The following SPPL2A variants were observed in gnomAD, a reference collection of about 807,000 sequenced individuals.
The protein encoded by SPPL2A is signal peptide peptidase-like 2A.
SPPL2A carries 51 observed loss-of-function variants against 63.8 expected under a neutral mutation model. That is an observed-to-expected ratio of 0.80 (90% CI 0.64 to 1.01). The LOEUF (loss-of-function observed/expected upper bound fraction) is 1.01, where lower values mean the gene tolerates loss of function less well. SPPL2A is among the 50% of genes least tolerant of loss of function. The pLI, the probability that SPPL2A is intolerant of heterozygous loss-of-function variation, is 0.00. For missense variants in SPPL2A, 553 were observed against 622.7 expected, an observed-to-expected ratio of 0.89 and a Z score of 1.19; for synonymous variants, 188 against 205.8, an observed-to-expected ratio of 0.91 and a Z score of 0.74.
In SPPL2A at chr15:50,736,114, G is replaced by T. The variant is rs1407126115; in HGVS notation, c.919C>A (p.Arg307=). ...IAVAVVWAVF[R]NEDRWAWILQ... ...GAGTATTCATACCTGTCTTCATTTCGAAACACAGCCCAAACAACAGCTACT... is the reference window on the plus strand; with the variant it reads ...GAGTATTCATACCTGTCTTCATTTCTAAACACAGCCCAAACAACAGCTACT... Residue 307 remains arginine, a synonymous_variant, in exon 8 of 15, where the codon CGA becomes AGA. Transcript: ENST00000261854. 1 of 1,606,406 alleles carries T rather than the reference G, an allele frequency of 6.2e-7. No homozygotes were observed.
At chr15:50,746,830 G>A (rs998750544) in intron 5 of SPPL2A, 3 of 152,290 alleles carry the variant, frequency 2.0e-5, no homozygotes, top group Admixed American at 6.6e-5. Flanking sequence ...ACTGCACCCA[G>A]GTAATTTTTG....
At position 50,756,277 on chromosome 15, in the gene SPPL2A, C is replaced by T. The variant is rs995195231; in HGVS notation, c.67-6531G>A. 8.4e-5 allele frequency among the ~76,000 whole-genome samples: 12 copies of T among 142,242 alleles called. No individual in the cohort carries two copies. In the South Asian group the frequency reaches 1.4e-3, roughly 16 times the overall value. The allele number at this position is 142,242 out of a possible 152,430, so 93.3% of individuals were successfully genotyped here. On this transcript the variant is annotated intron_variant, in intron 1 of 14. Transcript: ENST00000261854. ...TCTGGAGGCTGAGGCAGGAGAATGGCGTGAATCTGGGAGGCGGAGCTTGCA... is the reference window on the plus strand; with the variant it reads ...TCTGGAGGCTGAGGCAGGAGAATGGTGTGAATCTGGGAGGCGGAGCTTGCA...
intron 11 of SPPL2A, chr15:50,726,046 T>C: frequency 7.2e-7 from 1 of 1,381,446 alleles, no homozygotes; most frequent in South Asian, 1.2e-5. Flanking sequence ...TAAAGTCCAA[T>C]GAACATATCT....
At chr15:50,709,766 G>A (rs1668380186) in intron 14 of SPPL2A, among the ~76,000 whole-genome samples, 1 of 151,390 alleles carries the variant, frequency 6.6e-6, no homozygotes, top group South Asian at 2.1e-4. Context: ...CTTCAGCCTG[G>A]GCAATAGAGA....
intron 6 of SPPL2A, among the ~76,000 whole-genome samples, chr15:50,738,924 G>A (rs2062795993): frequency 6.6e-6 from 1 of 152,020 alleles, no homozygotes; most frequent in Admixed American, 6.6e-5. Flanking sequence ...TAAAATTCAA[G>A]CAATAAAACA....
In SPPL2A at chr15:50,733,814, T is replaced by A. The variant is rs141961366; in HGVS notation, c.933-1130A>T. 3.2e-3 allele frequency among the ~76,000 whole-genome samples: 476 copies of A among 148,486 alleles called. 3 individuals carry two copies. The highest frequency in any genetic ancestry group is 0.012 in the African/African-American group (465 of 40,412). ...TATGTAAGGAGCTCAAACAACTCAA[T>A]AGAAAAAAAAAAGTAATCCAATTAA... On this transcript the variant is annotated intron_variant, in intron 8 of 14. Transcript: ENST00000261854.
At chr15:50,765,324 AG>A in intron 1 of SPPL2A, 143 bp downstream of exon 1, 1 of 531,472 alleles carries the variant, frequency 1.9e-6, no homozygotes, top group Non-Finnish European at 3.2e-6. Context: ...TGGAAAGAGG[AG>A]GGGAGGAAAG....
At chr15:50,755,205 C>T (rs1009608711) in intron 1 of SPPL2A, among the ~76,000 whole-genome samples, 4 of 151,702 alleles carry the variant, frequency 2.6e-5, no homozygotes, top group African/African-American at 9.7e-5. Flanking sequence ...ATAGTCCCAG[C>T]TACTCGGAAG....
chr15:50,724,903 CTATT>C (rs1202970541), intron 12 of SPPL2A, among the ~76,000 whole-genome samples: 8 of 152,172 alleles, frequency 5.3e-5, no homozygotes, highest in African/African-American at 1.4e-4. Flanking sequence ...GTAATATAAA[CTATT>C]TGTTTGGCAT....
Position 50,724,542 on chromosome 15 carries a change from C to T in SPPL2A, c.1249+679G>A, listed in dbSNP as rs550421306. On this transcript the variant is annotated intron_variant, in intron 12 of 14. Coordinates refer to ENST00000261854, the MANE Select transcript of SPPL2A (RefSeq NM_032802.4). ...GCAGTGAGCTGAGGTCATGCCACTG[C>T]GCTCCAGCCTGGGCAACAGAGCAAG... Among the ~76,000 whole-genome samples, 190 of 150,390 alleles carry T rather than the reference C, an allele frequency of 1.3e-3. 3 individuals are homozygous for T. Among genetic ancestry groups the T allele is most frequent in the African/African-American group, 4.4e-3 (179 of 40,848 alleles).
intron 1 of SPPL2A, among the ~76,000 whole-genome samples, chr15:50,762,323 G>A (rs182875830): frequency 4.2e-4 from 61 of 145,912 alleles, no homozygotes; most frequent in African/African-American, 1.5e-3. Context: ...AGCTGAGATC[G>A]CACCACTGCA....
At position 50,765,518 on chromosome 15, in the gene SPPL2A, G is replaced by A; in HGVS notation, c.16C>T (p.Arg6Trp). The change falls in exon 1 of 15, where the codon CGG (arginine) becomes TGG (tryptophan). Residue 6 changes from arginine (R) to tryptophan (W), a missense_variant. Coordinates refer to ENST00000261854, the MANE Select transcript of SPPL2A (RefSeq NM_032802.4). ...AGGGCGGCCCCGGCAGGGGACAGCC[G>A]CCGCTGCGGCCCCATCGGACTGGTG... MGPQR[R>W]LSPAGAALLW... 6.7e-7 allele frequency: 1 copy of A among 1,499,250 alleles called. No individual in the cohort carries two copies. The highest frequency in any genetic ancestry group is 2.1e-5 in the Admixed American group (1 of 46,882). 92.9% of individuals were successfully genotyped at this position (1,499,250 alleles called of 1,614,324 possible).
At chr15:50,735,177 A>AT (rs1178423918) in intron 8 of SPPL2A, among the ~76,000 whole-genome samples, 1 of 152,106 alleles carries the variant, frequency 6.6e-6, no homozygotes, top group Non-Finnish European at 1.5e-5. Context: ...AAGTGCTGGG[A>AT]TTACAGGTAT....
chr15:50,755,374 G>A (rs540143943), intron 1 of SPPL2A, among the ~76,000 whole-genome samples: 10 of 151,070 alleles, frequency 6.6e-5, no homozygotes, highest in East Asian at 2.0e-4. Context: ...CAATCCCAGC[G>A]CTTTGGGAGG....
At chr15:50,721,694 T>A (rs2062648178) in intron 13 of SPPL2A, among the ~76,000 whole-genome samples, 1 of 151,768 alleles carries the variant, frequency 6.6e-6, no homozygotes, top group Non-Finnish European at 1.5e-5. Flanking sequence ...AACCTCTGCC[T>A]CCCAGGTTCA....
chr15:50,722,037 C>T (rs76899459), intron 13 of SPPL2A, 87 bp downstream of exon 13: 23,042 of 757,088 alleles, frequency 0.03, 415 homozygotes, highest in East Asian at 0.053. Flanking sequence ...CATGCCCAAA[C>T]TGTACTCCTT....
chr15:50,733,732 C>T (rs546548888), intron 8 of SPPL2A, among the ~76,000 whole-genome samples: 29 of 151,940 alleles, frequency 1.9e-4, no homozygotes, highest in African/African-American at 7.0e-4. Context: ...AAACAACCCA[C>T]AGAATGAAAG....
intron 14 of SPPL2A, among the ~76,000 whole-genome samples, chr15:50,713,758 C>T (rs2062578719): frequency 6.6e-6 from 1 of 151,968 alleles, no homozygotes; most frequent in Non-Finnish European, 1.5e-5. Context: ...TAACAAAAAC[C>T]CAAAGTTTTC....
At chr15:50,740,587 CAGATAG>C (rs1331587937) in intron 5 of SPPL2A, among the ~76,000 whole-genome samples, 1 of 151,876 alleles carries the variant, frequency 6.6e-6, no homozygotes, top group East Asian at 1.9e-4. Flanking sequence ...TATCAACTTA[CAGATAG>C]TAAAGTACTT....
Sources: gnomAD v4.1 joint callset for allele counts (sites outside exome capture counted in the v4.1 genomes callset) on GRCh38, gnomAD v4.1.1 for gene constraint, MANE v1.5 for transcripts, NCBI Gene and HGNC (gene_info 2026-07-23, HGNC 2026-07-21) for gene names.